QTMAN: variants seen among roughly 807,000 people sequenced by gnomAD.
QTMAN encodes tRNA-queuosine alpha-mannosyltransferase.
At chr2:144,322,719 T>C in the QTMAN span, among the ~76,000 whole-genome samples, 1 of 152,226 alleles carries the variant, frequency 6.6e-6, no homozygotes, top group African/African-American at 2.4e-5. Context: ...AGTAGGAGTT[T>C]CTTAAGGGTT....
chr2:144,321,047 C>G, the QTMAN span, among the ~76,000 whole-genome samples: 1 of 152,152 alleles, frequency 6.6e-6, no homozygotes, highest in Admixed American at 6.5e-5. Flanking sequence ...TAGAAACACC[C>G]AACTTAAAAC....
At chr2:144,250,261 A>G in the QTMAN span, among the ~76,000 whole-genome samples, 1 of 151,706 alleles carries the variant, frequency 6.6e-6, no homozygotes, top group Non-Finnish European at 1.5e-5. Flanking sequence ...CTCCTGCCTC[A>G]GCCTCCCAAG....
chr2:144,047,651 C>T, the QTMAN span, among the ~76,000 whole-genome samples: 1 of 152,166 alleles, frequency 6.6e-6, no homozygotes, highest in Admixed American at 6.5e-5. Context: ...GACAGCAACA[C>T]GTGCAAGTGG....
the QTMAN span, among the ~76,000 whole-genome samples, chr2:143,970,264 A>C: frequency 6.5e-4 from 99 of 152,232 alleles, 2 homozygotes; most frequent in Non-Finnish European, 8.8e-5. Flanking sequence ...TACATAGGCC[A>C]CCTAACAGAT....
chr2:144,151,629 T>C, the QTMAN span, among the ~76,000 whole-genome samples: 2 of 152,140 alleles, frequency 1.3e-5, no homozygotes, highest in Admixed American at 1.3e-4. Context: ...AGGACAGCTA[T>C]TGCTTTCTTC....
chr2:144,238,466 T>C, the QTMAN span, among the ~76,000 whole-genome samples: 3 of 152,130 alleles, frequency 2.0e-5, no homozygotes, highest in Non-Finnish European at 4.4e-5. Flanking sequence ...GCAAATTAAG[T>C]AGCATGTGAT....
At chr2:144,095,519 A>G in the QTMAN span, among the ~76,000 whole-genome samples, 1 of 152,176 alleles carries the variant, frequency 6.6e-6, no homozygotes, top group African/African-American at 2.4e-5. Flanking sequence ...ACAATCTGTT[A>G]GATGCATCAT....
chr2:144,010,391 G>GGA, the QTMAN span, among the ~76,000 whole-genome samples: 1 of 152,046 alleles, frequency 6.6e-6, no homozygotes, highest in Non-Finnish European at 1.5e-5. Context: ...ATAGGGACAT[G>GGA]GAAAGATGCA....
the QTMAN span, among the ~76,000 whole-genome samples, chr2:144,197,783 T>A: frequency 6.6e-6 from 1 of 152,210 alleles, no homozygotes; most frequent in African/African-American, 2.4e-5. Context: ...ATATTTAGAA[T>A]CCAATGATCA....
At chr2:144,193,876 C>G in the QTMAN span, among the ~76,000 whole-genome samples, 1 of 152,094 alleles carries the variant, frequency 6.6e-6, no homozygotes, top group East Asian at 1.9e-4. Context: ...AAATTGATAC[C>G]AGAACTGAAA....
At chr2:143,960,915 C>T in the QTMAN span, among the ~76,000 whole-genome samples, 3 of 152,018 alleles carry the variant, frequency 2.0e-5, no homozygotes, top group Non-Finnish European at 4.4e-5. Flanking sequence ...AGTAAAATCC[C>T]CTTGCGGGTG....
chr2:144,277,196 A>G, the QTMAN span, among the ~76,000 whole-genome samples: 4 of 152,192 alleles, frequency 2.6e-5, no homozygotes, highest in Middle Eastern at 3.4e-3. Flanking sequence ...TTTATTTCAT[A>G]TATTTATTTT....
the QTMAN span, among the ~76,000 whole-genome samples, chr2:143,953,190 A>G: frequency 6.6e-6 from 1 of 151,840 alleles, no homozygotes; most frequent in Non-Finnish European, 1.5e-5. Flanking sequence ...TTTTCTTAAT[A>G]ATGCTGCAAA....
At chr2:144,305,101 T>C in the QTMAN span, among the ~76,000 whole-genome samples, 1 of 152,224 alleles carries the variant, frequency 6.6e-6, no homozygotes, top group Non-Finnish European at 1.5e-5. Flanking sequence ...AAGTTTTTAA[T>C]TTTGATGAAG....
At chr2:144,091,197 T>C in the QTMAN span, among the ~76,000 whole-genome samples, 2 of 152,090 alleles carry the variant, frequency 1.3e-5, no homozygotes, top group African/African-American at 4.8e-5. Flanking sequence ...CCTCCCACCA[T>C]ATATAAAAAT....
chr2:144,063,411 C>G, the QTMAN span, among the ~76,000 whole-genome samples: 1 of 152,084 alleles, frequency 6.6e-6, no homozygotes, highest in East Asian at 1.9e-4. Context: ...TCTTCATGGT[C>G]TTTGTGTTTT....
the QTMAN span, among the ~76,000 whole-genome samples, chr2:144,203,150 A>AGTGTGTGTGTGTGT: frequency 6.9e-5 from 10 of 145,534 alleles, no homozygotes; most frequent in East Asian, 6.2e-4. Flanking sequence ...TACAATGAAG[A>AGTGTGTGTGTGTGT]GTGTGTGTGT....
chr2:144,060,848 C>A, the QTMAN span, among the ~76,000 whole-genome samples: 1 of 152,158 alleles, frequency 6.6e-6, no homozygotes, highest in Non-Finnish European at 1.5e-5. Context: ...CATTTCACAG[C>A]CCTCCAAATG....
chr2:144,261,611 A>G, the QTMAN span, among the ~76,000 whole-genome samples: 2 of 152,368 alleles, frequency 1.3e-5, no homozygotes, highest in African/African-American at 4.8e-5. Context: ...AACTGCAGGT[A>G]TGCAACAGGA....
Sources: allele counts gnomAD v4.1 joint callset (sites outside exome capture counted in the v4.1 genomes callset), GRCh38; gene constraint gnomAD v4.1.1; transcripts MANE v1.5; gene names NCBI Gene and HGNC (gene_info 2026-07-23, HGNC 2026-07-21).